TRANK1: variants seen among roughly 807,000 people sequenced by gnomAD.
The protein encoded by TRANK1 is TPR and ankyrin repeat-containing protein 1.
TRANK1 carries 198 observed loss-of-function variants against 266.0 expected under a neutral mutation model. The ratio of observed to expected loss-of-function variants is 0.74; its 90% CI spans 0.66 to 0.84. The LOEUF (loss-of-function observed/expected upper bound fraction) is 0.84. TRANK1 is among the 40% of genes least tolerant of loss of function. The pLI, the probability that TRANK1 is intolerant of heterozygous loss-of-function variation, is 0.00. For synonymous variants in TRANK1, 1,396 were observed against 1,384.1 expected, an observed-to-expected ratio of 1.01 and a Z score of -0.19; for missense variants, 3,326 against 3,634.6, an observed-to-expected ratio of 0.92 and a Z score of 2.18.
Position 36,899,222 on chromosome 3 carries a change from T to A in TRANK1, c.320A>T (p.His107Leu). Residue 107 changes from histidine (H) to leucine (L), a missense_variant, in exon 4 of 24, where the codon CAC becomes CTC. His to Leu is a moderately conservative substitution (Grantham distance 99, BLOSUM62 -3). Coordinates refer to ENST00000645898, the MANE Select transcript of TRANK1 (RefSeq NM_001329998.2). ...CATGCGAGCGGCTTCGTAAGGCTGG[T>A]GCAACCTCAGCAAGGAATAACCAGC... ...YRAGYSLLRL[H>L]QPYEAARMFF... 2 of 1,537,254 alleles carry A rather than the reference T, an allele frequency of 1.3e-6. No homozygotes were observed. Among genetic ancestry groups the A allele is most frequent in the Non-Finnish European group, 1.7e-6 (2 of 1,146,916 alleles).
chr3:36,844,157 C>T (rs941022294), intron 17 of TRANK1, among the ~76,000 whole-genome samples: 1 of 152,138 alleles, frequency 6.6e-6, no homozygotes, highest in Non-Finnish European at 1.5e-5. Context: ...GATCTGTTTT[C>T]ATTTTGAATT....
Position 36,861,037 on chromosome 3 carries a change from T to A in TRANK1, c.1364A>T (p.Glu455Val), listed in dbSNP as rs1284381810. 6.5e-7 allele frequency: 1 copy of A among 1,537,798 alleles called. No homozygotes were observed. Among genetic ancestry groups the A allele is most frequent in the South Asian group, 1.2e-5 (1 of 84,048 alleles). Residue 455 changes from glutamate to valine, a missense_variant, in exon 11 of 24, where the codon GAA (glutamate) becomes GTA (valine). By Grantham distance (121) the Glu-to-Val change is moderately radical. Coordinates refer to ENST00000645898, the MANE Select transcript of TRANK1 (RefSeq NM_001329998.2). ...LLLLTRKVSG[E>V]PPLGDCLIKD... is the part of the protein sequence containing the mutation. ...GATGAGGCAATCCCCAAGCGGTGGT[T>A]CTCCACTTACTTTGCGGGTCAGCAG...
chr3:36,924,219 G>T (rs1040649645), intron 1 of TRANK1, among the ~76,000 whole-genome samples: 15 of 152,152 alleles, frequency 9.9e-5, no homozygotes, highest in African/African-American at 3.4e-4. Context: ...TGAGTACCTG[G>T]ACTGGCCGTC....
intron 18 of TRANK1, among the ~76,000 whole-genome samples, chr3:36,842,383 GA>G (rs1365196438): frequency 6.6e-6 from 1 of 152,272 alleles, no homozygotes; most frequent in African/African-American, 2.4e-5. Context: ...AGCCCTTCAT[GA>G]TCTATCAGCA....
intron 8 of TRANK1, among the ~76,000 whole-genome samples, chr3:36,881,820 G>A (rs1448420184): frequency 2.0e-5 from 3 of 152,030 alleles, no homozygotes; most frequent in African/African-American, 7.2e-5. Context: ...CCTTATTCCG[G>A]ACATTTCATA....
chr3:36,858,492 G>C (rs967141187), intron 12 of TRANK1, among the ~76,000 whole-genome samples: 9 of 152,128 alleles, frequency 5.9e-5, no homozygotes, highest in Admixed American at 5.2e-4. Context: ...GCCAACTCTG[G>C]AACTTTAGAA....
At chr3:36,907,669 T>A (rs2079992451) in intron 2 of TRANK1, among the ~76,000 whole-genome samples, 1 of 150,874 alleles carries the variant, frequency 6.6e-6, no homozygotes, top group Admixed American at 6.6e-5. Context: ...TTTCACCCTG[T>A]TAGCCAGGAT....
intron 20 of TRANK1, among the ~76,000 whole-genome samples, chr3:36,836,604 TGAA>T (rs1448090560): frequency 6.6e-6 from 1 of 152,224 alleles, no homozygotes; most frequent in African/African-American, 2.4e-5. Context: ...AAACTGGTTG[TGAA>T]GAAGAGGATA....
At chr3:36,920,419 T>TC (rs777628343) in intron 1 of TRANK1, among the ~76,000 whole-genome samples, 1 of 152,092 alleles carries the variant, frequency 6.6e-6, no homozygotes, top group Non-Finnish European at 1.5e-5. Flanking sequence ...CACCCTTACT[T>TC]CCTAAGGGTC....
rs1358407527 is a variant in TRANK1, at chr3:36,855,542, G to A, written c.4180C>T (p.Leu1394Phe). 10 of 1,613,768 alleles carry A rather than the reference G, an allele frequency of 6.2e-6. No homozygotes were observed. The highest frequency in any genetic ancestry group is 1.3e-5 in the African/African-American group (1 of 74,880). The change falls in exon 13 of 24, where the codon CTC becomes TTC. Residue 1394 changes from leucine (L) to phenylalanine (F), a missense_variant. Transcript: ENST00000645898. ...CTGATTTGCTGATACAGACTGAAGAGGCTGTAGATCTCACTCCGGTCTTCC... is the reference window on the plus strand; with the variant it reads ...CTGATTTGCTGATACAGACTGAAGAAGCTGTAGATCTCACTCCGGTCTTCC... The part of the protein sequence containing the change: ...FKEDRSEIYS[L>F]FSLYQQIRSQ...
chr3:36,913,030 T>TTG (rs10633466), intron 1 of TRANK1, among the ~76,000 whole-genome samples: 3,112 of 144,002 alleles, frequency 0.022, 45 homozygotes, highest in South Asian at 0.053. Context: ...TATGTCTCTT[T>TTG]TGTGTGTGTG....
At chr3:36,894,049 A>C (rs1452943291) in intron 5 of TRANK1, among the ~76,000 whole-genome samples, 4 of 152,120 alleles carry the variant, frequency 2.6e-5, no homozygotes, top group African/African-American at 9.7e-5. Flanking sequence ...TCAGCATTCT[A>C]GTGGGCAGAT....
intron 4 of TRANK1, among the ~76,000 whole-genome samples, chr3:36,898,708 C>T (rs552484811): frequency 1.3e-4 from 20 of 151,710 alleles, no homozygotes; most frequent in African/African-American, 3.4e-4. Context: ...AAAACTAGCC[C>T]GGTGTGGTGG....
intron 9 of TRANK1, among the ~76,000 whole-genome samples, chr3:36,870,492 T>C (rs1384445370): frequency 6.6e-6 from 1 of 152,116 alleles, no homozygotes; most frequent in East Asian, 1.9e-4. Context: ...TTGCCAGCCC[T>C]TCCTGATTAA....
chr3:36,933,676 G>T (rs933392439), intron 1 of TRANK1, among the ~76,000 whole-genome samples: 8 of 152,208 alleles, frequency 5.3e-5, no homozygotes, highest in Non-Finnish European at 8.8e-5. Flanking sequence ...TGGGATATGG[G>T]CCATGGTGAT....
intron 1 of TRANK1, among the ~76,000 whole-genome samples, chr3:36,915,967 G>A (rs909202270): frequency 6.6e-6 from 1 of 152,180 alleles, no homozygotes; most frequent in Non-Finnish European, 1.5e-5. Context: ...AATTGCTGCA[G>A]TAAGTAGATG....
intron 15 of TRANK1, chr3:36,851,063 A>G (rs1183596605): frequency 3.8e-5 from 37 of 985,436 alleles, no homozygotes; most frequent in Non-Finnish European, 4.1e-5. Context: ...AGCTCTACCC[A>G]TAATGAACTA....
At chr3:36,920,680 C>T (rs567888009) in intron 1 of TRANK1, among the ~76,000 whole-genome samples, 3 of 152,146 alleles carry the variant, frequency 2.0e-5, no homozygotes, top group African/African-American at 4.8e-5. Flanking sequence ...ATTTTGCTTC[C>T]GGCGTAAGGA....
chr3:36,864,044 A>G lies in TRANK1; in HGVS notation c.1240+275T>C, dbSNP rs192542608. ...GTATCTACAGAAGAGAGAAATATCTATAGTATTTTTTAAATGACTGTATAT... is the reference window on the plus strand; with the variant it reads ...GTATCTACAGAAGAGAGAAATATCTGTAGTATTTTTTAAATGACTGTATAT... On this transcript the variant is annotated intron_variant, in intron 10 of 23. Coordinates refer to ENST00000645898, the MANE Select transcript of TRANK1 (RefSeq NM_001329998.2). Among the ~76,000 whole-genome samples, 32 of 152,326 alleles carry G rather than the reference A, an allele frequency of 2.1e-4. 1 individual carries two copies. In the South Asian group the frequency reaches 5.6e-3, roughly 27 times the overall value.
Sources: gnomAD v4.1 joint callset for allele counts (sites outside exome capture counted in the v4.1 genomes callset) on GRCh38, gnomAD v4.1.1 for gene constraint, MANE v1.5 for transcripts, NCBI Gene and HGNC (gene_info 2026-07-23, HGNC 2026-07-21) for gene names.